The following BMPER variants were observed in gnomAD, a reference collection of about 807,000 sequenced individuals.
BMPER encodes the protein BMP binding endothelial regulator, also known as BMP-binding endothelial regulator protein.
BMPER carries 45 observed loss-of-function variants against 87.3 expected under a neutral mutation model. That is an observed-to-expected ratio of 0.52 (90% CI 0.41 to 0.66). The LOEUF (loss-of-function observed/expected upper bound fraction) is 0.66. Among genes scored for constraint, BMPER ranks in the 30% least tolerant of loss-of-function variants. The pLI is 0.00. For missense variants in BMPER, 784 were observed against 867.5 expected (o/e 0.90, Z 1.21); for synonymous variants, 326 against 316.2 (o/e 1.03, Z -0.33).
At chr7:34,116,168 C>T (rs188321420) in intron 13 of BMPER, among the ~76,000 whole-genome samples, 26 of 152,218 alleles carry the variant, frequency 1.7e-4, no homozygotes, top group Non-Finnish European at 3.1e-4. Context: ...AAAATGGGGT[C>T]GAATGTAAAC....
Position 33,982,992 on chromosome 7 carries a change from G to T in BMPER, c.576+8208G>T, listed in dbSNP as rs536811030. Among the ~76,000 whole-genome samples, 8 of 152,260 alleles carry T rather than the reference G, an allele frequency of 5.3e-5. No homozygotes were observed. The South Asian group carries it at 6.2e-4, about 12-fold the overall frequency. ...CATAATATGTTAGTTTAGAGTTGCA[G>T]AAAACGGTAAGGCAAGAGCTTCAAA... On this transcript the variant is annotated intron_variant, in intron 6 of 14. Coordinates refer to ENST00000649409, the MANE Select transcript of BMPER (RefSeq NM_001365308.1).
At chr7:34,146,336 G>A (rs9639690) in intron 14 of BMPER, among the ~76,000 whole-genome samples, 125,448 of 152,120 alleles carry the variant, frequency 0.82, 51,958 homozygotes, top group East Asian at 0.95. Context: ...CTCTAAATGA[G>A]CCAGTGACAT....
chr7:33,939,036 C>CA lies in BMPER; in HGVS notation c.319+1657dup, dbSNP rs933576530. On this transcript the variant is annotated intron_variant, in intron 3 of 14. Transcript: ENST00000649409. ...AAAGACTCCATCTCAAAAAACAAAA[C>CA]AAAAAAAAAGACAAAAAACGAGGAC... 1.1e-4 allele frequency among the ~76,000 whole-genome samples: 17 copies of CA among 150,150 alleles called. 1 individual carries two copies. In the South Asian group the frequency reaches 1.5e-3, roughly 13 times the overall value.
chr7:34,147,507 G>A (rs2127995846), intron 14 of BMPER, among the ~76,000 whole-genome samples: 1 of 152,260 alleles, frequency 6.6e-6, no homozygotes, highest in East Asian at 1.9e-4. Context: ...TTTTGCTCTT[G>A]TTGCCCAGGC....
intron 3 of BMPER, among the ~76,000 whole-genome samples, chr7:33,962,517 C>A (rs1422955934): frequency 6.6e-6 from 1 of 152,116 alleles, no homozygotes; most frequent in Non-Finnish European, 1.5e-5. Flanking sequence ...TCATCCCTGG[C>A]CTCTACCCAT....
chr7:34,077,919 T>TA (rs1436871368), intron 11 of BMPER, among the ~76,000 whole-genome samples: 1 of 152,172 alleles, frequency 6.6e-6, no homozygotes, highest in African/African-American at 2.4e-5. Context: ...GCTTTTTATT[T>TA]TTTTTTTAAT....
At chr7:33,915,144 AAT>A (rs1476756588) in intron 2 of BMPER, among the ~76,000 whole-genome samples, 2 of 152,218 alleles carry the variant, frequency 1.3e-5, no homozygotes, top group Non-Finnish European at 2.9e-5. Flanking sequence ...AAAGTGAATA[AAT>A]ACCACATGAA....
At chr7:34,126,778 A>G (rs774347565) in intron 13 of BMPER, among the ~76,000 whole-genome samples, 15 of 152,128 alleles carry the variant, frequency 9.9e-5, no homozygotes, top group Non-Finnish European at 1.9e-4. Context: ...TTACCATAGC[A>G]TCGTTAACTG....
At chr7:34,150,542 G>C (rs909111210) in intron 14 of BMPER, among the ~76,000 whole-genome samples, 1 of 152,110 alleles carries the variant, frequency 6.6e-6, no homozygotes, top group African/African-American at 2.4e-5. Context: ...GTATAAATAT[G>C]ATATTCAGCT....
rs536465097 is a variant in BMPER at position 34,140,203 on chromosome 7, A to G, written c.1746-3027A>G. On this transcript the variant is annotated intron_variant, in intron 13 of 14. Coordinates refer to ENST00000649409, the MANE Select transcript of BMPER (RefSeq NM_001365308.1). ...AGTGAAAATCTCTGCCTCATAGCCC[A>G]TTGCCATGTGGACTGGAGGAGACAT... Among the ~76,000 whole-genome samples, 130 of 152,294 alleles carry G rather than the reference A, an allele frequency of 8.5e-4. 1 individual carries two copies. The highest frequency in any genetic ancestry group is 3.4e-3 in the Middle Eastern group (1 of 294).
At chr7:33,907,974 AG>A (rs1477949345) in intron 2 of BMPER, among the ~76,000 whole-genome samples, 1 of 152,246 alleles carries the variant, frequency 6.6e-6, no homozygotes. Flanking sequence ...AACAATTATC[AG>A]GTTCGGAAGA....
At chr7:34,059,319 G>A (rs1431188266) in intron 10 of BMPER, among the ~76,000 whole-genome samples, 2 of 152,108 alleles carry the variant, frequency 1.3e-5, no homozygotes, top group South Asian at 2.1e-4. Flanking sequence ...GCAGGCCGCC[G>A]TGGAGTTTCC....
rs776906308 is a variant in BMPER at position 33,974,804 on chromosome 7, T to C, written c.576+20T>C. 1 of 1,610,866 alleles carries C rather than the reference T, an allele frequency of 6.2e-7. No individual in the cohort carries two copies. The highest frequency in any genetic ancestry group is 2.2e-5 in the East Asian group (1 of 44,828). On this transcript the variant is annotated intron_variant, in intron 6 of 14. Transcript: ENST00000649409. ...TGCACTGTAAGTCCTGCTGTGGATG[T>C]TCCCAGGGTGTCCTTTGGGCAAAGC...
intron 6 of BMPER, among the ~76,000 whole-genome samples, chr7:33,986,099 C>A (rs776592737): frequency 3.9e-5 from 6 of 152,196 alleles, no homozygotes; most frequent in Non-Finnish European, 8.8e-5. Context: ...TTTGAGATTG[C>A]GACCTTCTGT....
intron 13 of BMPER, among the ~76,000 whole-genome samples, chr7:34,135,696 T>C (rs1790701274): frequency 6.6e-6 from 1 of 152,202 alleles, no homozygotes; most frequent in African/African-American, 2.4e-5. Flanking sequence ...CTTTTTCTCA[T>C]TCATAATAGT....
intron 6 of BMPER, among the ~76,000 whole-genome samples, chr7:33,982,050 A>C (rs73327178): frequency 0.06 from 9,095 of 152,176 alleles, 346 homozygotes; most frequent in African/African-American, 0.11. Flanking sequence ...TACAGGAGAC[A>C]TGACTGACCT....
intron 2 of BMPER, chr7:33,921,720 G>A: frequency 4.2e-6 from 2 of 470,966 alleles, no homozygotes; most frequent in Non-Finnish European, 8.8e-6. Context: ...GGTCTTTCTG[G>A]GATGGGTAGC....
chr7:34,118,971 A>C (rs1790186670), intron 13 of BMPER, among the ~76,000 whole-genome samples: 1 of 138,168 alleles, frequency 7.2e-6, no homozygotes, highest in Admixed American at 7.6e-5. Flanking sequence ...GAATTCCTTA[A>C]AATCTCTCTC....
At chr7:34,097,900 G>T (rs1400817974) in intron 13 of BMPER, among the ~76,000 whole-genome samples, 1 of 152,100 alleles carries the variant, frequency 6.6e-6, no homozygotes, top group Non-Finnish European at 1.5e-5. Context: ...GGTTAAAAGG[G>T]TTAGGAGCTA....
Sources: gnomAD v4.1 joint callset for allele counts (sites outside exome capture counted in the v4.1 genomes callset) on GRCh38, gnomAD v4.1.1 for gene constraint, MANE v1.5 for transcripts, NCBI Gene and HGNC (gene_info 2026-07-23, HGNC 2026-07-21) for gene names.